The following PHACTR1 variants were observed in gnomAD, a reference collection of about 807,000 sequenced individuals.
The protein encoded by PHACTR1 is phosphatase and actin regulator 1.
In PHACTR1, 16 loss-of-function variants were observed where a neutral mutation model predicts 69.2. That is an observed-to-expected ratio of 0.23 (90% CI 0.16 to 0.35). PHACTR1 has a LOEUF of 0.35. Among genes scored for constraint, PHACTR1 ranks in the 10% least tolerant of loss-of-function variants. The pLI, the probability that PHACTR1 is intolerant of heterozygous loss-of-function variation, is 1.00. For synonymous variants in PHACTR1, 312 were observed against 284.5 expected (o/e 1.10, Z -0.97); for missense variants, 510 against 734.7 (o/e 0.69, Z 3.54).
intron 4 of PHACTR1, among the ~76,000 whole-genome samples, chr6:12,853,014 C>G (rs1779982603): frequency 1.3e-5 from 2 of 152,142 alleles, no homozygotes; most frequent in South Asian, 2.1e-4. Flanking sequence ...TCTCTAGGTG[C>G]CTTCGCTCCT....
At chr6:12,966,217 G>A (rs1273631257) in intron 4 of PHACTR1, among the ~76,000 whole-genome samples, 1 of 152,138 alleles carries the variant, frequency 6.6e-6, no homozygotes, top group Non-Finnish European at 1.5e-5. Flanking sequence ...CTCAGGCTGG[G>A]GGCAGACGGG....
chr6:13,017,703 T>C (rs1362354649), intron 4 of PHACTR1, among the ~76,000 whole-genome samples: 4 of 152,134 alleles, frequency 2.6e-5, no homozygotes, highest in Non-Finnish European at 5.9e-5. Flanking sequence ...TGAACTCCTT[T>C]TGAGTCCATT....
At chr6:13,085,009 G>A (rs1812041408) in intron 5 of PHACTR1, among the ~76,000 whole-genome samples, 1 of 152,004 alleles carries the variant, frequency 6.6e-6, no homozygotes, top group African/African-American at 2.4e-5. Flanking sequence ...ATCCAAATAT[G>A]TCCGCAATTA....
At chr6:12,887,636 T>C (rs1050584332) in intron 4 of PHACTR1, among the ~76,000 whole-genome samples, 4 of 152,132 alleles carry the variant, frequency 2.6e-5, no homozygotes, top group African/African-American at 4.8e-5. Flanking sequence ...AACAAACATT[T>C]ATAGAGTCCA....
intron 6 of PHACTR1, among the ~76,000 whole-genome samples, chr6:13,173,543 G>A (rs937228053): frequency 2.6e-5 from 4 of 152,124 alleles, no homozygotes; most frequent in Admixed American, 2.6e-4. Flanking sequence ...TTAATCCATC[G>A]AGGAAATCCT....
chr6:12,880,230 C>CTTT, intron 4 of PHACTR1, among the ~76,000 whole-genome samples: 1 of 107,764 alleles, frequency 9.3e-6, no homozygotes, highest in South Asian at 3.0e-4. Flanking sequence ...ACTTTTTTTT[C>CTTT]TTTTTTTTTT....
intron 3 of PHACTR1, among the ~76,000 whole-genome samples, chr6:12,740,515 T>C (rs112677504): frequency 6.6e-6 from 1 of 152,168 alleles, no homozygotes; most frequent in Non-Finnish European, 1.5e-5. Context: ...ATATGCTTAT[T>C]TGAACATTTG....
At chr6:13,049,623 A>T (rs1184974137) in intron 4 of PHACTR1, among the ~76,000 whole-genome samples, 1 of 152,244 alleles carries the variant, frequency 6.6e-6, no homozygotes, top group African/African-American at 2.4e-5. Context: ...AGATCCCGGG[A>T]TGAGTGCTTC....
intron 10 of PHACTR1, among the ~76,000 whole-genome samples, chr6:13,244,238 C>T (rs922681022): frequency 5.9e-5 from 9 of 151,954 alleles, no homozygotes; most frequent in South Asian, 4.1e-4. Flanking sequence ...GAATAGGTGT[C>T]GGTGACAGAC....
chr6:12,871,764 T>G (rs1473391283), intron 4 of PHACTR1, among the ~76,000 whole-genome samples: 2 of 152,344 alleles, frequency 1.3e-5, no homozygotes, highest in Non-Finnish European at 2.9e-5. Flanking sequence ...ACCTAAACAT[T>G]TTCACAGCTG....
At chr6:12,944,905 C>T (rs1003749123) in intron 4 of PHACTR1, among the ~76,000 whole-genome samples, 1 of 151,916 alleles carries the variant, frequency 6.6e-6, no homozygotes, top group African/African-American at 2.4e-5. Context: ...GCTTCAGCCT[C>T]CCGAGTAGCT....
intron 5 of PHACTR1, among the ~76,000 whole-genome samples, chr6:13,109,157 A>T (rs1287319609): frequency 6.6e-6 from 1 of 152,044 alleles, no homozygotes; most frequent in African/African-American, 2.4e-5. Context: ...AAACCTCACA[A>T]TGCATTATTA....
chr6:13,157,744 A>G (rs1217413698), intron 5 of PHACTR1, among the ~76,000 whole-genome samples: 2 of 152,222 alleles, frequency 1.3e-5, no homozygotes, highest in Non-Finnish European at 2.9e-5. Flanking sequence ...AGAAGGGGAA[A>G]GCATCTCTTT....
intron 4 of PHACTR1, among the ~76,000 whole-genome samples, chr6:12,971,986 T>C (rs1006580779): frequency 3.9e-5 from 6 of 152,220 alleles, no homozygotes; most frequent in African/African-American, 9.6e-5. Flanking sequence ...CTGACTTCTG[T>C]TGAGCACCTA....
intron 5 of PHACTR1, among the ~76,000 whole-genome samples, chr6:13,057,617 A>G (rs1345974861): frequency 2.0e-5 from 3 of 152,322 alleles, no homozygotes; most frequent in South Asian, 2.1e-4. Flanking sequence ...TTCTGGGTGT[A>G]CCTTTATACA....
chr6:13,167,228 C>T (rs1379934934), intron 6 of PHACTR1, among the ~76,000 whole-genome samples: 1 of 152,200 alleles, frequency 6.6e-6, no homozygotes, highest in African/African-American at 2.4e-5. Flanking sequence ...CTATTACTGG[C>T]TGTTGCAAGT....
chr6:12,793,594 A>G (rs1037690431), intron 4 of PHACTR1, among the ~76,000 whole-genome samples: 12 of 152,248 alleles, frequency 7.9e-5, no homozygotes, highest in African/African-American at 2.4e-4. Flanking sequence ...GATTGTATTA[A>G]GAAACCAAAC....
chr6:13,119,597 G>A (rs9463452), intron 5 of PHACTR1, among the ~76,000 whole-genome samples: 1,862 of 152,262 alleles, frequency 0.012, 39 homozygotes, highest in African/African-American at 0.042. Flanking sequence ...TACAACTCAC[G>A]TCCCAGGTTT....
chr6:12,760,665 G>T (rs1767924376), intron 4 of PHACTR1, among the ~76,000 whole-genome samples: 1 of 152,220 alleles, frequency 6.6e-6, no homozygotes, highest in South Asian at 2.1e-4. Flanking sequence ...AGGTGCGGTG[G>T]CTCACGCCTA....
Sources: gnomAD v4.1 joint callset for allele counts (sites outside exome capture counted in the v4.1 genomes callset) on GRCh38, gnomAD v4.1.1 for gene constraint, MANE v1.5 for transcripts, NCBI Gene and HGNC (gene_info 2026-07-23, HGNC 2026-07-21) for gene names.